GRID2: variants seen among roughly 807,000 people sequenced by gnomAD.
GRID2 encodes glutamate receptor ionotropic, delta-2.
GRID2 carries 33 observed loss-of-function variants against 114.8 expected under a neutral mutation model. The observed-to-expected ratio is 0.29, with a 90% CI of 0.22 to 0.38. GRID2 has a LOEUF of 0.38. GRID2 is among the 10% of genes least tolerant of loss of function. The pLI is 1.00. For synonymous variants in GRID2, 505 were observed against 449.9 expected (o/e 1.12, Z -1.55); for missense variants, 1,184 against 1,257.7 (o/e 0.94, Z 0.89).
At chr4:93,379,709 C>T (rs936058179) in intron 8 of GRID2, among the ~76,000 whole-genome samples, 1 of 152,166 alleles carries the variant, frequency 6.6e-6, no homozygotes, top group African/African-American at 2.4e-5. Flanking sequence ...CATCACAAAG[C>T]TCAAAATTCT....
At chr4:92,958,213 C>A (rs1452397976) in intron 2 of GRID2, among the ~76,000 whole-genome samples, 1 of 152,008 alleles carries the variant, frequency 6.6e-6, no homozygotes, top group Non-Finnish European at 1.5e-5. Flanking sequence ...TTAACCTTGC[C>A]TACTTCCTGA....
intron 8 of GRID2, among the ~76,000 whole-genome samples, chr4:93,261,595 G>T (rs1378233869): frequency 6.6e-6 from 1 of 151,734 alleles, no homozygotes; most frequent in African/African-American, 2.4e-5. Context: ...ATATTTAAGA[G>T]GATAACTCTT....
intron 8 of GRID2, among the ~76,000 whole-genome samples, chr4:93,300,765 G>T (rs1420675649): frequency 6.6e-6 from 1 of 152,102 alleles, no homozygotes. Context: ...TAAAATCCGA[G>T]CTCCCCAAAT....
At chr4:92,580,683 A>G (rs571837613) in intron 1 of GRID2, among the ~76,000 whole-genome samples, 43 of 152,090 alleles carry the variant, frequency 2.8e-4, no homozygotes, top group Middle Eastern at 3.4e-3. Flanking sequence ...GGTTTCATAC[A>G]GATATTTCTT....
intron 4 of GRID2, among the ~76,000 whole-genome samples, chr4:93,113,244 A>T (rs79868369): frequency 0.058 from 8,875 of 152,186 alleles, 436 homozygotes; most frequent in East Asian, 0.19. Context: ...TAAAAAATGA[A>T]CTCATATAAT....
intron 14 of GRID2, among the ~76,000 whole-genome samples, chr4:93,662,291 G>T (rs936972103): frequency 3.9e-5 from 6 of 151,990 alleles, no homozygotes; most frequent in African/African-American, 9.7e-5. Context: ...TTTCTGCTTT[G>T]TTGTTCTCTA....
At chr4:92,919,198 T>A (rs1009055645) in intron 2 of GRID2, among the ~76,000 whole-genome samples, 1 of 152,198 alleles carries the variant, frequency 6.6e-6, no homozygotes, top group Non-Finnish European at 1.5e-5. Flanking sequence ...AGTGGTGATA[T>A]CCCCTTTATC....
intron 13 of GRID2, among the ~76,000 whole-genome samples, chr4:93,550,709 C>A (rs1044938386): frequency 6.6e-6 from 1 of 152,140 alleles, no homozygotes; most frequent in Non-Finnish European, 1.5e-5. Flanking sequence ...AAGATATATT[C>A]CAATATGTTG....
intron 1 of GRID2, among the ~76,000 whole-genome samples, chr4:92,429,215 T>C (rs1732314780): frequency 6.6e-6 from 1 of 152,192 alleles, no homozygotes; most frequent in South Asian, 2.1e-4. Context: ...AATAAGCACA[T>C]CAGGGTAAAT....
At chr4:92,553,224 T>C (rs185731651) in intron 1 of GRID2, among the ~76,000 whole-genome samples, 1 of 152,318 alleles carries the variant, frequency 6.6e-6, no homozygotes, top group Admixed American at 6.5e-5. Context: ...TGCACCTGCA[T>C]TGGGTAATCT....
At chr4:93,725,109 A>T (rs1244876857) in intron 14 of GRID2, among the ~76,000 whole-genome samples, 1 of 151,984 alleles carries the variant, frequency 6.6e-6, no homozygotes, top group Non-Finnish European at 1.5e-5. Flanking sequence ...CATTAGGTAT[A>T]TCTCCTAATG....
Position 92,368,407 on chromosome 4 carries a change from T to C in GRID2, c.88+63663T>C, listed in dbSNP as rs553862639. ...TTTTAATAAATAAAAAGGATTTTTA[T>C]TGGAGACTCCTTGCGCTGTCTCATG... On this transcript the variant is annotated intron_variant, in intron 1 of 15. Coordinates refer to ENST00000282020, the MANE Select transcript of GRID2 (RefSeq NM_001510.4). 8.2e-4 allele frequency among the ~76,000 whole-genome samples: 125 copies of C among 152,260 alleles called. 1 individual carries two copies. The highest frequency in any genetic ancestry group is 2.8e-3 in the African/African-American group (115 of 41,574).
chr4:92,799,402 T>C (rs1211932343), intron 2 of GRID2, among the ~76,000 whole-genome samples: 1 of 151,992 alleles, frequency 6.6e-6, no homozygotes, highest in African/African-American at 2.4e-5. Flanking sequence ...TACCAGTCCA[T>C]GACCCTGGGG....
chr4:93,212,357 G>T (rs913239420), intron 5 of GRID2, among the ~76,000 whole-genome samples: 1 of 151,974 alleles, frequency 6.6e-6, no homozygotes, highest in African/African-American at 2.4e-5. Context: ...TTTTTCATTT[G>T]CATTAAGTGT....
At chr4:92,515,418 T>C (rs1724452288) in intron 1 of GRID2, among the ~76,000 whole-genome samples, 1 of 151,964 alleles carries the variant, frequency 6.6e-6, no homozygotes, top group South Asian at 2.1e-4. Context: ...TAAAAGATTA[T>C]ATTGAATAAC....
Position 93,053,035 on chromosome 4 carries a change from C to T in GRID2, c.245-31960C>T, listed in dbSNP as rs186002915. ...CAGAGGATATAGCATCAGGTACCAT[C>T]GGTGGAAGAAATGTACTCCCCTACC... On this transcript the variant is annotated intron_variant, in intron 2 of 15. Transcript: ENST00000282020. 4.1e-3 allele frequency among the ~76,000 whole-genome samples: 622 copies of T among 151,964 alleles called. 7 individuals carry two copies. The highest frequency in any genetic ancestry group is 0.015 in the African/African-American group (603 of 41,492).
At chr4:92,573,599 A>G (rs1275968257) in intron 1 of GRID2, among the ~76,000 whole-genome samples, 2 of 152,106 alleles carry the variant, frequency 1.3e-5, no homozygotes, top group Non-Finnish European at 2.9e-5. Context: ...CAGGTTGTTC[A>G]ATTTCCATGT....
rs193100009 is a variant in GRID2, at chr4:92,400,209, G to A, written c.88+95465G>A. ...TACCACAGCTATTTAATGGTAAAAC[G>A]TTTGTATCACTCCAAAAAAGAAAAC... On this transcript the variant is annotated intron_variant, in intron 1 of 15. Coordinates refer to ENST00000282020, the MANE Select transcript of GRID2 (RefSeq NM_001510.4). 3.9e-5 allele frequency among the ~76,000 whole-genome samples: 6 copies of A among 152,098 alleles called. No homozygotes were observed. In the East Asian group the frequency reaches 5.8e-4, roughly 15 times the overall value.
At chr4:92,436,623 A>G (rs1732748275) in intron 1 of GRID2, among the ~76,000 whole-genome samples, 1 of 152,136 alleles carries the variant, frequency 6.6e-6, no homozygotes, top group Non-Finnish European at 1.5e-5. Context: ...CTAGAAGATT[A>G]TTAAGAATAA....
Sources: gnomAD v4.1 joint callset for allele counts (sites outside exome capture counted in the v4.1 genomes callset) on GRCh38, gnomAD v4.1.1 for gene constraint, MANE v1.5 for transcripts, NCBI Gene and HGNC (gene_info 2026-07-23, HGNC 2026-07-21) for gene names.